The following KCNB2 variants were observed in gnomAD, a reference collection of about 807,000 sequenced individuals.
KCNB2 encodes the protein potassium voltage-gated channel subfamily B member 2, also known as delayed rectifier potassium channel protein.
In KCNB2, 15 loss-of-function variants were observed where a neutral mutation model predicts 61.5. The observed-to-expected ratio is 0.24, with a 90% CI of 0.16 to 0.38. The LOEUF (loss-of-function observed/expected upper bound fraction) is 0.38. Ranked by LOEUF, KCNB2 falls within the 10% of genes least tolerant of loss-of-function variation. The pLI is 1.00. For missense variants in KCNB2, 828 were observed against 1,125.2 expected (o/e 0.74, Z 3.78); for synonymous variants, 457 against 446.0 (o/e 1.02, Z -0.31).
At chr8:72,912,811 A>G (rs1806324363) in intron 2 of KCNB2, among the ~76,000 whole-genome samples, 1 of 152,084 alleles carries the variant, frequency 6.6e-6, no homozygotes, top group South Asian at 2.1e-4. Context: ...CTATACCATC[A>G]CTCAGTAATT....
intron 2 of KCNB2, chr8:72,661,331 C>G (rs1806377419): frequency 6.6e-6 from 1 of 152,158 alleles, no homozygotes; most frequent in Non-Finnish European, 1.5e-5. Flanking sequence ...ACATTTTTGA[C>G]TCAGCCATAT....
At chr8:72,846,104 CG>C (rs1809987961) in intron 2 of KCNB2, among the ~76,000 whole-genome samples, 1 of 152,080 alleles carries the variant, frequency 6.6e-6, no homozygotes, top group South Asian at 2.1e-4. Flanking sequence ...TCCTGGTCTG[CG>C]GGTTGTGAAG....
chr8:72,605,784 C>T lies in KCNB2; in HGVS notation c.579+37471C>T, dbSNP rs371720684. Among the ~76,000 whole-genome samples the T allele has an allele frequency of 3.9e-5, 6 of 152,026 alleles. No homozygotes were observed. In the South Asian group the frequency reaches 1.0e-3, roughly 26 times the overall value. On this transcript the variant is annotated intron_variant, in intron 2 of 2. Transcript: ENST00000523207. The stretch of plus-strand genomic sequence containing the variant: ...AAATATTCTAATGGTGGCAGGTGAG[C>T]ATAAATATAGAGAAGATGGTAATTA...
intron 2 of KCNB2, among the ~76,000 whole-genome samples, chr8:72,916,360 G>A (rs1410684525): frequency 6.6e-6 from 1 of 152,142 alleles, no homozygotes; most frequent in Non-Finnish European, 1.5e-5. Flanking sequence ...GGTGGCAGGA[G>A]CAGACTCCAC....
At chr8:72,610,304 A>G (rs970467137) in intron 2 of KCNB2, among the ~76,000 whole-genome samples, 2 of 152,172 alleles carry the variant, frequency 1.3e-5, no homozygotes, top group African/African-American at 4.8e-5. Flanking sequence ...TCTTCCTCCA[A>G]CTGATGTGCT....
At chr8:72,595,647 C>T (rs1807177937) in intron 2 of KCNB2, among the ~76,000 whole-genome samples, 1 of 152,118 alleles carries the variant, frequency 6.6e-6, no homozygotes, top group Non-Finnish European at 1.5e-5. Context: ...TCTAAACATA[C>T]TTGAATTCTC....
chr8:72,716,822 G>T (rs1299009600), intron 2 of KCNB2, among the ~76,000 whole-genome samples: 8 of 152,246 alleles, frequency 5.3e-5, no homozygotes, highest in Admixed American at 3.9e-4. Context: ...GGGCAATCAG[G>T]CAGGAGAAGG....
chr8:72,889,135 T>C (rs190597155), intron 2 of KCNB2, among the ~76,000 whole-genome samples: 5 of 152,292 alleles, frequency 3.3e-5, no homozygotes, highest in Middle Eastern at 3.4e-3. Flanking sequence ...GGGAGTGTGA[T>C]AGCTGCATGG....
In KCNB2 at chr8:72,606,335, T is replaced by C. The variant is rs567346103; in HGVS notation, c.579+38022T>C. On this transcript the variant is annotated intron_variant, in intron 2 of 2. Transcript: ENST00000523207. ...ACACTTTGATGAATATTTAATGATA[T>C]ATGTACATACTCATAATCCAAGTAA... Among the ~76,000 whole-genome samples, 226 of 152,328 alleles carry C rather than the reference T, an allele frequency of 1.5e-3. 2 individuals are homozygous for C. The highest frequency in any genetic ancestry group is 3.9e-3 in the South Asian group (19 of 4,832).
intron 2 of KCNB2, among the ~76,000 whole-genome samples, chr8:72,651,197 C>T (rs572027408): frequency 6.6e-6 from 1 of 152,186 alleles, no homozygotes; most frequent in South Asian, 2.1e-4. Context: ...GTGCATGAGG[C>T]ATAGTTATAT....
At chr8:72,541,246 C>G (rs936997570) in intron 1 of KCNB2, among the ~76,000 whole-genome samples, 1 of 151,490 alleles carries the variant, frequency 6.6e-6, no homozygotes, top group African/African-American at 2.4e-5. Flanking sequence ...ATAAGTAATA[C>G]TATTTATTTT....
At chr8:72,890,969 A>C (rs889648462) in intron 2 of KCNB2, among the ~76,000 whole-genome samples, 1 of 151,946 alleles carries the variant, frequency 6.6e-6, no homozygotes, top group South Asian at 2.1e-4. Flanking sequence ...TAGTTCTCTC[A>C]TGTGAGAACC....
At chr8:72,906,985 T>A (rs1389801728) in intron 2 of KCNB2, among the ~76,000 whole-genome samples, 1 of 152,214 alleles carries the variant, frequency 6.6e-6, no homozygotes, top group Non-Finnish European at 1.5e-5. Flanking sequence ...GATAAGTGTG[T>A]GTTTCTTGCT....
In KCNB2 at chr8:72,568,002, G is replaced by A; in HGVS notation, c.268G>A (p.Asp90Asn). Residue 90 changes from aspartate (D) to asparagine (N), a missense_variant, in exon 2 of 3, where the codon GAT becomes AAT. Transcript: ENST00000523207. ...TCTGAACGAGAACGAGTATTTCTTT[G>A]ATCGGCATCCAGGAGCCTTCACTTC... ...YNLNENEYFFDRHPGAFTSIL... is the reference protein window; with the variant it reads ...YNLNENEYFFNRHPGAFTSIL... 1 of 1,614,104 alleles carries A rather than the reference G, an allele frequency of 6.2e-7. No individual in the cohort carries two copies. Among genetic ancestry groups the A allele is most frequent in the South Asian group, 1.1e-5 (1 of 91,070 alleles).
chr8:72,552,891 C>T (rs1461366663), intron 1 of KCNB2, among the ~76,000 whole-genome samples: 2 of 151,914 alleles, frequency 1.3e-5, no homozygotes, highest in African/African-American at 4.8e-5. Context: ...TTGTACCCTC[C>T]CCTCTTCTTT....
chr8:72,858,424 A>T (rs1176681730), intron 2 of KCNB2, among the ~76,000 whole-genome samples: 1 of 152,212 alleles, frequency 6.6e-6, no homozygotes, highest in Non-Finnish European at 1.5e-5. Context: ...TTTACAAGAA[A>T]AAAAGATATA....
chr8:72,698,008 G>A (rs1428956443), intron 2 of KCNB2, among the ~76,000 whole-genome samples: 3 of 151,996 alleles, frequency 2.0e-5, no homozygotes. Flanking sequence ...TCACCATTCT[G>A]CAATCACACA....
intron 2 of KCNB2, among the ~76,000 whole-genome samples, chr8:72,925,827 G>T (rs796552328): frequency 8.7e-4 from 132 of 152,250 alleles, no homozygotes; most frequent in African/African-American, 3.0e-3. Context: ...CAGTAGCAAA[G>T]ACATGGAATC....
At chr8:72,613,683 C>A (rs184129792) in intron 2 of KCNB2, among the ~76,000 whole-genome samples, 2 of 152,116 alleles carry the variant, frequency 1.3e-5, no homozygotes, top group South Asian at 2.1e-4. Flanking sequence ...CAGGGGTATC[C>A]GATGACCATA....
Sources: gnomAD v4.1 joint callset for allele counts (sites outside exome capture counted in the v4.1 genomes callset) on GRCh38, gnomAD v4.1.1 for gene constraint, MANE v1.5 for transcripts, NCBI Gene and HGNC (gene_info 2026-07-23, HGNC 2026-07-21) for gene names.